SLC2A2: variants seen among roughly 807,000 people sequenced by gnomAD.
SLC2A2 encodes solute carrier family 2 member 2, also known as solute carrier family 2, facilitated glucose transporter member 2.
A neutral mutation model predicts 54.5 loss-of-function variants in SLC2A2; 36 were observed. The observed-to-expected ratio is 0.66, with a 90% CI of 0.51 to 0.87. SLC2A2 has a LOEUF of 0.87. Ranked by LOEUF, SLC2A2 falls within the 40% of genes least tolerant of loss-of-function variation. The probability of loss-of-function intolerance (pLI) is 0.00; values close to 1 mark genes in which losing one functional copy is unlikely to be tolerated. For missense variants in SLC2A2, 543 were observed against 624.3 expected (o/e 0.87, Z 1.39); for synonymous variants, 223 against 219.1 (o/e 1.02, Z -0.16).
intron 1 of SLC2A2, among the ~76,000 whole-genome samples, chr3:171,026,067 G>C (rs1209913682): frequency 6.6e-6 from 1 of 152,050 alleles, no homozygotes; most frequent in Non-Finnish European, 1.5e-5. Context: ...CATGTACAAA[G>C]AACAAAGACA....
At chr3:171,002,744 G>A in intron 7 of SLC2A2, 64 bp from the exon 8 acceptor site, 2 of 903,332 alleles carry the variant, frequency 2.2e-6, no homozygotes, top group Non-Finnish European at 1.8e-6. Flanking sequence ...TTTAAAGCAA[G>A]AAATATTTTA....
intron 5 of SLC2A2, among the ~76,000 whole-genome samples, chr3:171,006,887 C>T (rs935526935): frequency 4.6e-5 from 7 of 151,960 alleles, no homozygotes; most frequent in African/African-American, 1.4e-4. Flanking sequence ...CAGTGCTATC[C>T]CACCAACAAT....
rs147959014 is a variant in SLC2A2, at chr3:170,997,922, C to T, written c.1556G>A (p.Gly519Glu). The change falls in exon 11 of 11, where the codon GGA (glycine) becomes GAA (glutamate). Residue 519 changes from glycine (G) to glutamate (E), a missense_variant. Physicochemically the swap from Gly to Glu is moderately conservative, Grantham distance 98 (BLOSUM62 -2). Around this residue, in one of 3 missense-constraint regions of SLC2A2, gnomAD observed 108 missense variants for 101.3 expected, o/e 1.07. Transcript: ENST00000314251. ...TTTTTTTTACACAGTCTCTGTAGCT[C>T]CTAGGAATTTCATTTCTACAGCAGC... ...PKAAVEMKFL[G>E]ATETV is the part of the protein sequence containing the mutation. 6.0e-4 allele frequency: 974 copies of T among 1,613,066 alleles called. 12 individuals are homozygous for T. In the East Asian group the frequency reaches 0.021, roughly 34 times the overall value.
Position 171,011,095 on chromosome 3 carries a change from A to AT in SLC2A2, c.372-1014dup, listed in dbSNP as rs1229702808. On this transcript the variant is annotated intron_variant, in intron 3 of 10. Transcript: ENST00000314251. ...GTATCTTTAACACCAACCAAACAGA[A>AT]TTTTTTTTTTCTGGAGCATAAAACT... 1.0e-4 allele frequency among the ~76,000 whole-genome samples: 15 copies of AT among 150,272 alleles called. No individual in the cohort carries two copies. In the East Asian group the frequency reaches 1.2e-3, roughly 12 times the overall value.
At position 171,005,375 on chromosome 3, in the gene SLC2A2, T is replaced by C; in HGVS notation, c.873A>G (p.Ile291Met). ...AGCTGGAATTGGTGAAGAGCTGAAT[T>C]ATAGAGACTTTCTGCTCACTCGATG... ...EEASSEQKVS[I>M]IQLFTNSSYR... The change falls in exon 7 of 11, where the codon ATA (isoleucine) becomes ATG (methionine). Residue 291 changes from isoleucine to methionine, a missense_variant. This residue lies in a region of SLC2A2 where 318 missense variants were observed against 343.8 expected (regional missense o/e 0.93). Coordinates refer to ENST00000314251, the MANE Select transcript of SLC2A2 (RefSeq NM_000340.2). 1 of 1,612,582 alleles carries C rather than the reference T, an allele frequency of 6.2e-7. No homozygotes were observed. Among genetic ancestry groups the C allele is most frequent in the South Asian group, 1.1e-5 (1 of 91,060 alleles).
chr3:171,019,145 A>T (rs1332676930), intron 1 of SLC2A2, among the ~76,000 whole-genome samples: 2 of 59,274 alleles, frequency 3.4e-5, no homozygotes, highest in Admixed American at 3.6e-4. Context: ...ATATATATAT[A>T]TATATATATA....
chr3:170,997,647 T>A lies in SLC2A2; in HGVS notation c.*256A>T. ...GTTATAAAGAACAGAGCTAAAAATA[T>A]TAGAACCACCTGCCCTTTAGTGTAA... On this transcript the variant is annotated 3_prime_UTR_variant, in exon 11 of 11. Transcript: ENST00000314251. 1 of 449,750 alleles carries A rather than the reference T, an allele frequency of 2.2e-6. No homozygotes were observed. The highest frequency in any genetic ancestry group is 2.8e-5 in the South Asian group (1 of 35,488). 27.9% of individuals were successfully genotyped at this position (449,750 alleles called of 1,614,324 possible). A position where few individuals can be genotyped will look rare whatever the true frequency, so the allele number is the denominator to read the frequency against.
intron 4 of SLC2A2, among the ~76,000 whole-genome samples, chr3:171,008,569 T>C (rs1402253313): frequency 6.6e-6 from 1 of 152,134 alleles, no homozygotes; most frequent in Non-Finnish European, 1.5e-5. Flanking sequence ...TGGTTGGCTA[T>C]GCTACTTAGA....
At chr3:171,004,719 T>C (rs554370830) in intron 7 of SLC2A2, among the ~76,000 whole-genome samples, 2 of 152,104 alleles carry the variant, frequency 1.3e-5, no homozygotes, top group Admixed American at 1.3e-4. Flanking sequence ...GCTAGCTAGT[T>C]TAATGCTCAG....
In SLC2A2 at chr3:171,018,980, C is replaced by T. The variant is rs531789098; in HGVS notation, c.16-357G>A. Among the ~76,000 whole-genome samples, 15 of 151,244 alleles carry T rather than the reference C, an allele frequency of 9.9e-5. No individual in the cohort carries two copies. In the South Asian group the frequency reaches 2.9e-3, roughly 29 times the overall value. ...TATATGAGAAAAATGATTGAAATTA[C>T]TTGATTAAAAAAATCCACCCAAATA... On this transcript the variant is annotated intron_variant, in intron 1 of 10. Transcript: ENST00000314251.
chr3:171,006,302 G>GT lies in SLC2A2; in HGVS notation c.613-198dup, dbSNP rs3215234. Among the ~76,000 whole-genome samples, 31,367 of 149,252 alleles carry GT rather than the reference G, an allele frequency of 0.21. 4,458 individuals are homozygous for GT. Among genetic ancestry groups the GT allele is most frequent in the African/African-American group, 0.42 (16,704 of 39,760 alleles). ...TTTGTTATATAAGGAATTAACCTAG[G>GT]TTTTTTTATCTCACTTTAACTAAAT... On this transcript the variant is annotated intron_variant, in intron 5 of 10. Transcript: ENST00000314251.
At chr3:171,018,195 T>G (rs1322063835) in intron 2 of SLC2A2, among the ~76,000 whole-genome samples, 2 of 152,144 alleles carry the variant, frequency 1.3e-5, no homozygotes, top group South Asian at 2.1e-4. Flanking sequence ...ATGGCTGAGA[T>G]CTCTGAATGA....
In SLC2A2 at chr3:171,010,219, T is replaced by A; in HGVS notation, c.372-137A>T. ...TGCTGTAAAAGCTAGTTGGGGAATC[T>A]TGAACCAAGATTGCTAATTTGACTC... On this transcript the variant is annotated intron_variant, in intron 3 of 10. Coordinates refer to ENST00000314251, the MANE Select transcript of SLC2A2 (RefSeq NM_000340.2). The A allele has an allele frequency of 4.5e-6, 4 of 883,234 alleles. No individual in the cohort carries two copies. In the East Asian group the frequency reaches 1.0e-4, roughly 23 times the overall value. 54.7% of individuals were successfully genotyped at this position (883,234 alleles called of 1,614,324 possible). A position where few individuals can be genotyped will look rare whatever the true frequency, so the allele number is the denominator to read the frequency against.
intron 4 of SLC2A2, among the ~76,000 whole-genome samples, chr3:171,008,131 T>C (rs1715697049): frequency 6.6e-6 from 1 of 152,120 alleles, no homozygotes; most frequent in Non-Finnish European, 1.5e-5. Flanking sequence ...AAAATAGGAT[T>C]TGCAGAGGCT....
intron 2 of SLC2A2, 50 bp from the exon 3 acceptor site, chr3:171,014,781 T>G: frequency 6.5e-7 from 1 of 1,531,150 alleles, no homozygotes; most frequent in South Asian, 1.1e-5. Flanking sequence ...TCTATGTATT[T>G]TTGTTTTTGT....
rs925258113 is a variant in SLC2A2, at chr3:171,007,140, G to T, written c.612+8C>A. Reference sequence around the variant, plus strand: ...GTGCAGTAGGGGATAAGGATGGGGAGTTTTTACCTGACTAATAAGAATGCC... The same window carrying T: ...GTGCAGTAGGGGATAAGGATGGGGATTTTTTACCTGACTAATAAGAATGCC... On this transcript the variant is annotated splice_region_variant and intron_variant, in intron 5 of 10. Coordinates refer to ENST00000314251, the MANE Select transcript of SLC2A2 (RefSeq NM_000340.2). 9.6e-6 allele frequency: 15 copies of T among 1,560,416 alleles called. No individual in the cohort carries two copies. Among genetic ancestry groups the T allele is most frequent in the Non-Finnish European group, 1.3e-5 (15 of 1,132,092 alleles).
At position 171,010,043 on chromosome 3, in the gene SLC2A2, A is replaced by G; in HGVS notation, c.411T>C (p.Val137=). ...AMLVANILSL[V]GALLMGFSKL... Reference sequence around the variant, plus strand: ...TTGAAAACCCCATCAAGAGAGCTCCAACTAATGACAGAATGTTTGCTACTA... The same window carrying G: ...TTGAAAACCCCATCAAGAGAGCTCCGACTAATGACAGAATGTTTGCTACTA... The change falls in exon 4 of 11, where the codon GTT becomes GTC. Residue 137 remains valine (V), a synonymous_variant. Transcript: ENST00000314251. 5 of 1,612,942 alleles carry G rather than the reference A, an allele frequency of 3.1e-6. No homozygotes were observed. Among genetic ancestry groups the G allele is most frequent in the Non-Finnish European group, 4.2e-6 (5 of 1,179,272 alleles).
At chr3:171,009,333 C>G (rs538095572) in intron 4 of SLC2A2, among the ~76,000 whole-genome samples, 1 of 152,212 alleles carries the variant, frequency 6.6e-6, no homozygotes, top group Admixed American at 6.6e-5. Context: ...TCAGCTGCTT[C>G]TCTCTGATTC....
intron 2 of SLC2A2, among the ~76,000 whole-genome samples, chr3:171,017,795 C>T (rs1443620167): frequency 6.6e-6 from 1 of 152,148 alleles, no homozygotes; most frequent in Non-Finnish European, 1.5e-5. Flanking sequence ...AATAACATAC[C>T]TCTCCCATGT....
Sources: allele counts gnomAD v4.1 joint callset (sites outside exome capture counted in the v4.1 genomes callset), GRCh38; gene constraint gnomAD v4.1.1; regional missense constraint gnomAD v4.1.1; transcripts MANE v1.5; gene names NCBI Gene and HGNC (gene_info 2026-07-23, HGNC 2026-07-21).